EML4: variants seen among roughly 807,000 people sequenced by gnomAD.
EML4 encodes EMAP like 4.
A neutral mutation model predicts 129.0 loss-of-function variants in EML4; 72 were observed. The observed-to-expected ratio is 0.56, with a 90% CI of 0.46 to 0.68. EML4 has a LOEUF of 0.68. Among genes scored for constraint, EML4 ranks in the 30% least tolerant of loss-of-function variants. The pLI is 0.00. For missense variants in EML4, 1,363 were observed against 1,190.6 expected, an observed-to-expected ratio of 1.14 and a Z score of -2.13; for synonymous variants, 532 against 405.0, an observed-to-expected ratio of 1.31 and a Z score of -3.77.
intron 17 of EML4, among the ~76,000 whole-genome samples, chr2:42,315,381 G>T (rs1224985027): frequency 1.3e-5 from 2 of 152,012 alleles, no homozygotes; most frequent in African/African-American, 4.8e-5. Flanking sequence ...CTGTATTTCT[G>T]TTTTCTATTT....
intron 1 of EML4, among the ~76,000 whole-genome samples, chr2:42,242,701 T>A (rs947284902): frequency 2.0e-5 from 3 of 151,832 alleles, no homozygotes; most frequent in African/African-American, 7.3e-5. Context: ...TTTTCTCTTT[T>A]CTTTTCTTTC....
At chr2:42,227,497 A>G (rs1395556766) in intron 1 of EML4, among the ~76,000 whole-genome samples, 2 of 140,072 alleles carry the variant, frequency 1.4e-5, no homozygotes, top group East Asian at 2.0e-4. Context: ...TTTTTAAACC[A>G]CCCCTCTTCC....
At chr2:42,255,815 G>GT (rs1676107036) in intron 2 of EML4, among the ~76,000 whole-genome samples, 1 of 152,168 alleles carries the variant, frequency 6.6e-6, no homozygotes, top group South Asian at 2.1e-4. Context: ...AAAATGCAGT[G>GT]TTATACCACC....
At chr2:42,286,903 C>G (rs115179172) in intron 10 of EML4, among the ~76,000 whole-genome samples, 3 of 152,098 alleles carry the variant, frequency 2.0e-5, no homozygotes, top group African/African-American at 7.2e-5. Flanking sequence ...AAAATTTTCC[C>G]CAGCAGTCCT....
In EML4 at chr2:42,265,053, A is replaced by C. The variant is rs77753465; in HGVS notation, c.667+322A>C. ...ATGCTGCCTGACTTTCTTCCTTAAAAAGGAAATACAGTGATTTGAGCTAGA... is the reference window on the plus strand; with the variant it reads ...ATGCTGCCTGACTTTCTTCCTTAAACAGGAAATACAGTGATTTGAGCTAGA... On this transcript the variant is annotated intron_variant, in intron 6 of 22. Coordinates refer to ENST00000318522, the MANE Select transcript of EML4 (RefSeq NM_019063.5). 7,537 of 1,097,026 alleles carry C rather than the reference A, an allele frequency of 6.9e-3. 509 individuals are homozygous for C. The East Asian group carries it at 0.16, about 23-fold the overall frequency. 68.0% of individuals were successfully genotyped at this position (1,097,026 alleles called of 1,614,324 possible).
At chr2:42,235,244 C>G (rs898719533) in intron 1 of EML4, among the ~76,000 whole-genome samples, 1 of 149,886 alleles carries the variant, frequency 6.7e-6, no homozygotes, top group East Asian at 2.0e-4. Context: ...TGCAGTGAGC[C>G]GAGATCGCAC....
chr2:42,281,663 T>C (rs1421440265), intron 7 of EML4, among the ~76,000 whole-genome samples: 1 of 152,196 alleles, frequency 6.6e-6, no homozygotes, highest in Non-Finnish European at 1.5e-5. Context: ...AGGAATTAAA[T>C]AAGAAAACAT....
intron 9 of EML4, among the ~76,000 whole-genome samples, chr2:42,285,216 C>T (rs1226013030): frequency 2.0e-5 from 3 of 151,970 alleles, no homozygotes; most frequent in Admixed American, 2.0e-4. Context: ...CCGGCTAACT[C>T]TTGATTTTAT....
At chr2:42,263,398 C>CTTTTTTTTTT (rs67401314) in intron 5 of EML4, 92 bp downstream of exon 5, 4 of 202,602 alleles carry the variant, frequency 2.0e-5, no homozygotes, top group Non-Finnish European at 3.3e-5. Context: ...TGGTTTGAAT[C>CTTTTTTTTTT]TTTTTTTTTT....
At chr2:42,249,564 T>C (rs1300336834) in intron 2 of EML4, among the ~76,000 whole-genome samples, 2 of 152,214 alleles carry the variant, frequency 1.3e-5, no homozygotes, top group African/African-American at 2.4e-5. Flanking sequence ...TCATCAGATA[T>C]GACCAAAAGT....
intron 19 of EML4, among the ~76,000 whole-genome samples, chr2:42,323,804 C>T (rs1206585415): frequency 1.2e-4 from 18 of 147,490 alleles, no homozygotes; most frequent in South Asian, 8.6e-4. Context: ...ATTAGCGGGG[C>T]GTGGTGATGC....
At chr2:42,248,218 T>A (rs982115521) in intron 2 of EML4, among the ~76,000 whole-genome samples, 3 of 152,160 alleles carry the variant, frequency 2.0e-5, no homozygotes, top group African/African-American at 7.2e-5. Context: ...TCAAGTGATC[T>A]ACCTTGGTCT....
Position 42,169,392 on chromosome 2 carries a change from G to A in EML4, c.-220G>A. 2.9e-6 allele frequency: 1 copy of A among 348,774 alleles called. No homozygotes were observed. The highest frequency in any genetic ancestry group is 5.1e-6 in the Non-Finnish European group (1 of 194,664). The allele number at this position is 348,774 out of a possible 1,614,324, so 21.6% of individuals were successfully genotyped here. A position where few individuals can be genotyped will look rare whatever the true frequency, so the allele number is the denominator to read the frequency against. On this transcript the variant is annotated 5_prime_UTR_variant, in exon 1 of 23. Coordinates refer to ENST00000318522, the MANE Select transcript of EML4 (RefSeq NM_019063.5). ...TGCTGCCTGGGAGGGAGGCCGGGCA[G>A]GCGGCTGAGCGGCGCGGCTCTCAAC...
At chr2:42,300,373 C>G (rs906441601) in intron 13 of EML4, among the ~76,000 whole-genome samples, 1 of 152,310 alleles carries the variant, frequency 6.6e-6, no homozygotes, top group East Asian at 1.9e-4. Context: ...ATCTTATTCT[C>G]ACCCTTAAAA....
chr2:42,301,315 A>T lies in EML4; in HGVS notation c.1564A>T (p.Met522Leu), dbSNP rs763749009. ...VFTLCQMRNG[M>L]LLTGGGKDRK... The stretch of plus-strand genomic sequence containing the variant: ...CACACTTTGTCAGATGAGAAATGGG[A>T]TGTTATTAACTGGAGGAGGGAAAGA... The change falls in exon 14 of 23, where the codon ATG becomes TTG. Residue 522 changes from methionine (M) to leucine (L), a missense_variant. By Grantham distance (15) the Met-to-Leu change is conservative. Transcript: ENST00000318522. 1.9e-6 allele frequency: 3 copies of T among 1,613,436 alleles called. No homozygotes were observed. Among genetic ancestry groups the T allele is most frequent in the South Asian group, 1.1e-5 (1 of 91,036 alleles).
intron 3 of EML4, among the ~76,000 whole-genome samples, chr2:42,257,281 C>T (rs988101240): frequency 5.3e-5 from 8 of 152,060 alleles, no homozygotes; most frequent in South Asian, 4.1e-4. Flanking sequence ...TTTGTAATTT[C>T]TAGCAAATTA....
chr2:42,295,264 G>A lies in EML4; in HGVS notation c.1353+5G>A. The A allele has an allele frequency of 6.2e-7, 1 of 1,612,700 alleles. No individual in the cohort carries two copies. On this transcript the variant is annotated splice_donor_5th_base_variant and intron_variant, in intron 12 of 22. Coordinates refer to ENST00000318522, the MANE Select transcript of EML4 (RefSeq NM_019063.5). Reference sequence around the variant, plus strand: ...AGAAAACAGGGAATTTTTGGGGTAAGAATCAGATTGTTTTAATGTCATTAG... The same window carrying A: ...AGAAAACAGGGAATTTTTGGGGTAAAAATCAGATTGTTTTAATGTCATTAG...
Position 42,280,872 on chromosome 2 carries a change from T to C in EML4, c.690T>C (p.Phe230=). The change falls in exon 7 of 23, where the codon TTT becomes TTC. Residue 230 remains phenylalanine (F), a synonymous_variant. Coordinates refer to ENST00000318522, the MANE Select transcript of EML4 (RefSeq NM_019063.5). The part of the protein sequence containing the change: ...INQEGEYIKM[F]MRGRPITMFI... The stretch of plus-strand genomic sequence containing the variant: ...CAGAAGGAGAATATATTAAAATGTT[T>C]ATGCGCGGTCGGCCAATTACCATGT... 6.2e-7 allele frequency: 1 copy of C among 1,611,828 alleles called. No homozygotes were observed. Among genetic ancestry groups the C allele is most frequent in the Non-Finnish European group, 8.5e-7 (1 of 1,178,956 alleles).
At chr2:42,257,616 A>T (rs900043441) in intron 3 of EML4, among the ~76,000 whole-genome samples, 25 of 152,280 alleles carry the variant, frequency 1.6e-4, no homozygotes, top group African/African-American at 5.3e-4. Flanking sequence ...CGGGCGGATC[A>T]CGAGGTCAGG....
Sources: gnomAD v4.1 joint callset for allele counts (sites outside exome capture counted in the v4.1 genomes callset) on GRCh38, gnomAD v4.1.1 for gene constraint, MANE v1.5 for transcripts, NCBI Gene and HGNC (gene_info 2026-07-23, HGNC 2026-07-21) for gene names.